Variants in CES5A observed in about 807,000 individuals in gnomAD.
CES5A encodes the protein carboxylesterase 5.
Under a neutral mutation model 62.9 loss-of-function variants are expected in CES5A, and 67 were observed. The observed-to-expected ratio is 1.07, with a 90% CI of 0.88 to 1.31. CES5A has a LOEUF of 1.31. Among genes scored for constraint, CES5A ranks in the 50% most tolerant of loss-of-function variants. CES5A has a pLI of 0.00. For synonymous variants in CES5A, 296 were observed against 280.8 expected (o/e 1.05, Z -0.54); for missense variants, 748 against 708.5 (o/e 1.06, Z -0.63).
chr16:55,948,103 C>T (rs1169400176), intron 2 of CES5A, among the ~76,000 whole-genome samples: 1 of 151,936 alleles, frequency 6.6e-6, no homozygotes, highest in Non-Finnish European at 1.5e-5. Context: ...GAAGTGATGT[C>T]GATCAATTTA....
chr16:55,928,953 C>T (rs1359496115), upstream of CES5A, among the ~76,000 whole-genome samples: 2 of 152,160 alleles, frequency 1.3e-5, no homozygotes, highest in Admixed American at 6.5e-5. Context: ...GCGTCCAAGG[C>T]CCTAGATGGA....
At chr16:55,951,589 A>G (rs1313875887) in intron 1 of CES5A, among the ~76,000 whole-genome samples, 1 of 152,230 alleles carries the variant, frequency 6.6e-6, no homozygotes, top group Non-Finnish European at 1.5e-5. Flanking sequence ...GAGGTTAAAA[A>G]TAGAATACTG....
chr16:55,854,573 G>T (rs1425990806), intron 9 of CES5A, among the ~76,000 whole-genome samples: 4 of 16,156 alleles, frequency 2.5e-4, no homozygotes, highest in Non-Finnish European at 5.2e-4. Flanking sequence ...AGAGTCTCTC[G>T]CTCTGTTGCC....
chr16:55,925,149 A>G (rs1444561184), intron 1 of CES5A, among the ~76,000 whole-genome samples: 1 of 152,136 alleles, frequency 6.6e-6, no homozygotes, highest in Non-Finnish European at 1.5e-5. Flanking sequence ...ATATATAAGG[A>G]ACTCAAACAA....
chr16:55,908,814 G>A (rs1268289111), intron 1 of CES5A, among the ~76,000 whole-genome samples: 1 of 152,186 alleles, frequency 6.6e-6, no homozygotes, highest in African/African-American at 2.4e-5. Context: ...TCCCCAAATA[G>A]GTTGGGTGCC....
At chr16:55,856,673 GC>G (rs2033250762) in intron 8 of CES5A, among the ~76,000 whole-genome samples, 1 of 152,188 alleles carries the variant, frequency 6.6e-6, no homozygotes, top group South Asian at 2.1e-4. Context: ...GCCTTGTGGG[GC>G]CCAAGTGGCC....
chr16:55,873,944 A>C lies in CES5A; in HGVS notation c.167T>G (p.Val56Gly). The C allele has an allele frequency of 6.2e-7, 1 of 1,613,790 alleles. No homozygotes were observed. The highest frequency in any genetic ancestry group is 1.3e-5 in the African/African-American group (1 of 75,064). ...AGCAGCAAAGGGGACTCCGAGGAAC[A>C]CGTTCACAGGCACAGGGCTTCCCAG... ...TVLGSPVPVN[V>G]FLGVPFAAPP... Residue 56 changes from valine to glycine, a missense_variant, in exon 2 of 13, where the codon GTG becomes GGG. Physicochemically the swap from Val to Gly is moderately radical, Grantham distance 109 (BLOSUM62 -3). Transcript: ENST00000290567.
At chr16:55,866,687 A>AAAAAAAAAAAAAAAAAAAAAAAG (rs2033471578) in intron 4 of CES5A, among the ~76,000 whole-genome samples, 2 of 149,216 alleles carry the variant, frequency 1.3e-5, no homozygotes, top group Admixed American at 6.7e-5. Context: ...AATACAAAAA[A>AAAAAAAAAAAAAAAAAAAAAAAG]ATTAGCTGGA....
At chr16:55,871,549 C>T (rs1316644431) in intron 3 of CES5A, 76 bp downstream of exon 3, 1 of 1,545,214 alleles carries the variant, frequency 6.5e-7, no homozygotes. Context: ...CAATTCCAGA[C>T]ATGTAGCTGC....
intron 2 of CES5A, among the ~76,000 whole-genome samples, chr16:55,873,579 C>T (rs541876606): frequency 3.9e-5 from 6 of 152,216 alleles, no homozygotes; most frequent in East Asian, 1.9e-4. Context: ...GGGCTCAGCT[C>T]GGGATATTCT....
intron 6 of CES5A, among the ~76,000 whole-genome samples, chr16:55,862,370 C>T (rs553472994): frequency 6.6e-6 from 1 of 152,262 alleles, no homozygotes; most frequent in South Asian, 2.1e-4. Context: ...GCTTCCCAAA[C>T]CTATCCATGG....
At chr16:55,907,768 A>G (rs1407486398) in intron 1 of CES5A, among the ~76,000 whole-genome samples, 1 of 152,118 alleles carries the variant, frequency 6.6e-6, no homozygotes, top group Admixed American at 6.5e-5. Flanking sequence ...GTGCGAAGAG[A>G]TGAGCTCGAC....
At chr16:55,935,693 C>A (rs1282758336) in intron 2 of CES5A, among the ~76,000 whole-genome samples, 2 of 152,192 alleles carry the variant, frequency 1.3e-5, no homozygotes, top group Non-Finnish European at 2.9e-5. Context: ...TATTTATAGT[C>A]AACCTCAGAT....
chr16:55,931,979 C>T (rs2034317746), intron 2 of CES5A, among the ~76,000 whole-genome samples: 1 of 152,206 alleles, frequency 6.6e-6, no homozygotes, highest in African/African-American at 2.4e-5. Flanking sequence ...AGAGGTGGGA[C>T]TTTTAAGACC....
chr16:55,877,661 A>G (rs1285345757), upstream of CES5A, among the ~76,000 whole-genome samples: 1 of 152,150 alleles, frequency 6.6e-6, no homozygotes, highest in Non-Finnish European at 1.5e-5. Flanking sequence ...CTGATAATGT[A>G]AGGAATCAAT....
chr16:55,912,947 C>T (rs2034109830), intron 1 of CES5A, among the ~76,000 whole-genome samples: 1 of 152,168 alleles, frequency 6.6e-6, no homozygotes, highest in African/African-American at 2.4e-5. Context: ...GCAGTTTTAT[C>T]ACCCAGCACC....
intron 1 of CES5A, among the ~76,000 whole-genome samples, chr16:55,910,420 A>C (rs1277832988): frequency 1.3e-5 from 2 of 152,170 alleles, no homozygotes; most frequent in Non-Finnish European, 2.9e-5. Flanking sequence ...TTCTCTGATT[A>C]TGCTGGTCCA....
At chr16:55,851,062 T>C (rs573947803) in intron 10 of CES5A, among the ~76,000 whole-genome samples, 1 of 152,290 alleles carries the variant, frequency 6.6e-6, no homozygotes, top group Admixed American at 6.5e-5. Context: ...AGTGGTAAAT[T>C]TCCATACCCT....
Position 55,863,439 on chromosome 16 carries a change from A to G in CES5A, c.719T>C (p.Met240Thr). The G allele has an allele frequency of 2.5e-6, 4 of 1,590,456 alleles. No homozygotes were observed. The change falls in exon 6 of 13, where the codon ATG becomes ACG. Residue 240 changes from methionine to threonine, a missense_variant. Met to Thr is a moderately conservative substitution (Grantham distance 81). Transcript: ENST00000290567. ...ISVSSLILSP[M>T]AKGLFHKAIM... ...GGCTTTGTGGAATAAGCCTTTGGCCATGGGAGACAGTATCTGGAGAGAGAA... is the reference window on the plus strand; with the variant it reads ...GGCTTTGTGGAATAAGCCTTTGGCCGTGGGAGACAGTATCTGGAGAGAGAA...
Sources: allele counts gnomAD v4.1 joint callset (sites outside exome capture counted in the v4.1 genomes callset), GRCh38; gene constraint gnomAD v4.1.1; transcripts MANE v1.5; gene names NCBI Gene and HGNC (gene_info 2026-07-23, HGNC 2026-07-21).